PPP1R12A: variants seen among roughly 807,000 people sequenced by gnomAD.
PPP1R12A encodes the protein protein phosphatase 1 regulatory subunit 12A.
A neutral mutation model predicts 139.6 loss-of-function variants in PPP1R12A; 19 were observed. That is an observed-to-expected ratio of 0.14 (90% CI 0.09 to 0.20). The LOEUF is 0.20. Ranked by LOEUF, PPP1R12A falls within the 10% of genes least tolerant of loss-of-function variation. The probability of loss-of-function intolerance (pLI) is 1.00; values close to 1 mark genes in which losing one functional copy is unlikely to be tolerated. For missense variants in PPP1R12A, 925 were observed against 1,211.5 expected (o/e 0.76, Z 3.51); for synonymous variants, 427 against 420.6 (o/e 1.02, Z -0.19).
chr12:79,805,508 C>T (rs932943486), intron 14 of PPP1R12A, 84 bp downstream of exon 14: 2 of 1,326,208 alleles, frequency 1.5e-6, no homozygotes, highest in African/African-American at 2.9e-5. Flanking sequence ...TGGCCATCAA[C>T]CTCACAAGAT....
intron 6 of PPP1R12A, among the ~76,000 whole-genome samples, chr12:79,821,648 G>T (rs1158500487): frequency 6.6e-6 from 1 of 151,772 alleles, no homozygotes; most frequent in East Asian, 1.9e-4. Flanking sequence ...AGCTACTCAG[G>T]AGGCTGAGGC....
At chr12:79,880,841 T>C (rs563865393) in intron 1 of PPP1R12A, among the ~76,000 whole-genome samples, 3 of 152,246 alleles carry the variant, frequency 2.0e-5, no homozygotes, top group Admixed American at 2.0e-4. Flanking sequence ...GGCAAGTGTA[T>C]TGGTGCCACT....
intron 1 of PPP1R12A, among the ~76,000 whole-genome samples, chr12:79,887,720 T>C (rs971850468): frequency 6.6e-6 from 1 of 152,098 alleles, no homozygotes; most frequent in Non-Finnish European, 1.5e-5. Flanking sequence ...AATATACTAA[T>C]GCGAAAATTT....
chr12:79,810,366 A>G (rs1201148705), intron 9 of PPP1R12A, among the ~76,000 whole-genome samples: 1 of 152,188 alleles, frequency 6.6e-6, no homozygotes, highest in African/African-American at 2.4e-5. Flanking sequence ...GTAACCTAAT[A>G]TAAATTCTTG....
intron 22 of PPP1R12A, among the ~76,000 whole-genome samples, chr12:79,786,135 AT>A (rs1229171592): frequency 3.3e-5 from 5 of 152,206 alleles, no homozygotes; most frequent in Non-Finnish European, 5.9e-5. Flanking sequence ...GGAAATAAAC[AT>A]TTAAAACCTT....
intron 2 of PPP1R12A, among the ~76,000 whole-genome samples, chr12:79,852,826 G>C (rs1245769436): frequency 3.3e-5 from 5 of 152,160 alleles, no homozygotes; most frequent in Non-Finnish European, 7.4e-5. Flanking sequence ...GGGGTGCATA[G>C]GTAGAGAAAG....
At chr12:79,861,897 A>G (rs1469182220) in intron 2 of PPP1R12A, among the ~76,000 whole-genome samples, 1 of 152,128 alleles carries the variant, frequency 6.6e-6, no homozygotes, top group Non-Finnish European at 1.5e-5. Flanking sequence ...TATTGGAACA[A>G]AAGACAGCAG....
chr12:79,860,792 A>C (rs900590711), intron 2 of PPP1R12A, among the ~76,000 whole-genome samples: 5 of 152,196 alleles, frequency 3.3e-5, no homozygotes, highest in African/African-American at 1.2e-4. Flanking sequence ...TATACTAAGG[A>C]CAAAAAGAAA....
In PPP1R12A at chr12:79,817,266, T is replaced by C; in HGVS notation, c.1239+128A>G. ...CATTCAACTGAGAAACATAAATACA[T>C]ATTTATATTCTGAAATCTTACATAT... On this transcript the variant is annotated intron_variant, in intron 9 of 24. Transcript: ENST00000450142. 7.0e-6 allele frequency: 6 copies of C among 862,266 alleles called. No individual in the cohort carries two copies. The South Asian group carries it at 1.1e-4, about 16-fold the overall frequency. 53.4% of individuals were successfully genotyped at this position (862,266 alleles called of 1,614,324 possible). A position where few individuals can be genotyped will look rare whatever the true frequency, so the allele number is the denominator to read the frequency against.
chr12:79,854,303 G>C (rs886515864), intron 2 of PPP1R12A, among the ~76,000 whole-genome samples: 1 of 152,116 alleles, frequency 6.6e-6, no homozygotes, highest in Admixed American at 6.5e-5. Context: ...TATTTATGAT[G>C]TTACAACAAT....
At chr12:79,895,858 A>T (rs1010438962) in intron 1 of PPP1R12A, among the ~76,000 whole-genome samples, 2 of 152,190 alleles carry the variant, frequency 1.3e-5, no homozygotes, top group Non-Finnish European at 2.9e-5. Context: ...ATTTTAACAG[A>T]CTCAATGTGA....
At chr12:79,778,790 TAG>T in intron 23 of PPP1R12A, 190 bp from the exon 24 acceptor site, 1 of 397,186 alleles carries the variant, frequency 2.5e-6, no homozygotes, top group Non-Finnish European at 4.5e-6. Context: ...TCTTTATCCT[TAG>T]AGTACAAGCT....
intron 1 of PPP1R12A, among the ~76,000 whole-genome samples, chr12:79,922,647 T>C (rs1887526783): frequency 6.6e-6 from 1 of 152,060 alleles, no homozygotes. Flanking sequence ...TGAGAACACA[T>C]GGACACAGGG....
chr12:79,847,032 T>C (rs894830596), intron 2 of PPP1R12A, among the ~76,000 whole-genome samples: 4 of 152,150 alleles, frequency 2.6e-5, no homozygotes, highest in African/African-American at 4.8e-5. Flanking sequence ...TAAAATAGTT[T>C]TTTAAAAAAA....
intron 3 of PPP1R12A, among the ~76,000 whole-genome samples, chr12:79,844,520 T>C (rs1879156124): frequency 1.3e-5 from 2 of 152,204 alleles, no homozygotes; most frequent in Admixed American, 6.5e-5. Context: ...CATCACTTCA[T>C]CTACTACCAG....
intron 9 of PPP1R12A, among the ~76,000 whole-genome samples, chr12:79,815,556 C>T (rs967837513): frequency 6.6e-6 from 1 of 151,354 alleles, no homozygotes; most frequent in Admixed American, 6.6e-5. Context: ...CAGTTTCTTG[C>T]CTAGGTATTC....
At chr12:79,799,822 A>G (rs758346036) in intron 14 of PPP1R12A, among the ~76,000 whole-genome samples, 10 of 151,930 alleles carry the variant, frequency 6.6e-5, no homozygotes, top group Non-Finnish European at 1.5e-4. Flanking sequence ...CCAGCCTGGG[A>G]AACATGAGGA....
chr12:79,833,960 T>C (rs1877774625), intron 3 of PPP1R12A, among the ~76,000 whole-genome samples: 1 of 151,880 alleles, frequency 6.6e-6, no homozygotes. Context: ...TCAGCTAAGA[T>C]TCTCCTATAA....
chr12:79,833,006 A>T (rs143599962), intron 3 of PPP1R12A, among the ~76,000 whole-genome samples: 3 of 152,182 alleles, frequency 2.0e-5, no homozygotes, highest in African/African-American at 7.2e-5. Flanking sequence ...AACATAGTAC[A>T]CATTCTTCAT....
Sources: allele counts gnomAD v4.1 joint callset (sites outside exome capture counted in the v4.1 genomes callset), GRCh38; gene constraint gnomAD v4.1.1; transcripts MANE v1.5; gene names NCBI Gene and HGNC (gene_info 2026-07-23, HGNC 2026-07-21).